GRIP1: variants seen among roughly 807,000 people sequenced by gnomAD.
GRIP1 encodes the protein glutamate receptor-interacting protein 1.
GRIP1 carries 45 observed loss-of-function variants against 129.9 expected under a neutral mutation model. The observed-to-expected ratio is 0.35, with a 90% CI of 0.27 to 0.44. The LOEUF (loss-of-function observed/expected upper bound fraction) is 0.44, where lower values mean the gene tolerates loss of function less well. Among genes scored for constraint, GRIP1 ranks in the 20% least tolerant of loss-of-function variants. GRIP1 has a pLI of 1.00. For missense variants in GRIP1, 1,196 were observed against 1,396.8 expected (o/e 0.86, Z 2.29); for synonymous variants, 530 against 520.8 (o/e 1.02, Z -0.24).
intron 2 of GRIP1, among the ~76,000 whole-genome samples, chr12:66,583,540 T>A (rs1405442842): frequency 3.1e-5 from 4 of 128,144 alleles, no homozygotes; most frequent in African/African-American, 1.2e-4. Context: ...GAATCTACAA[T>A]GAACTCAAAC....
At chr12:66,995,648 T>C (rs1421023995) in intron 1 of GRIP1, among the ~76,000 whole-genome samples, 1 of 152,174 alleles carries the variant, frequency 6.6e-6, no homozygotes, top group African/African-American at 2.4e-5. Context: ...AAGTACTAGT[T>C]CACATCTACT....
Position 66,517,911 on chromosome 12 carries a change from G to T in GRIP1, c.568C>A (p.Pro190Thr). The change falls in exon 6 of 25, where the codon CCT becomes ACT. Residue 190 changes from proline to threonine, a missense_variant. Pro to Thr is a conservative substitution (Grantham distance 38, BLOSUM62 -1). Coordinates refer to ENST00000359742, the MANE Select transcript of GRIP1 (RefSeq NM_001366722.1). ...VVITCVRPGG[P>T]ADREGTIKPG... is the part of the protein sequence containing the mutation. ...AAAGATAAAGTTTACCTGTCAGCAG[G>T]CCCTCCAGGACGAACACATGTTATC... 1.3e-6 allele frequency: 2 copies of T among 1,539,512 alleles called. No individual in the cohort carries two copies. Among genetic ancestry groups the T allele is most frequent in the Non-Finnish European group, 1.8e-6 (2 of 1,112,154 alleles).
At chr12:66,834,896 G>A (rs2039583446) in intron 1 of GRIP1, among the ~76,000 whole-genome samples, 1 of 141,158 alleles carries the variant, frequency 7.1e-6, no homozygotes, top group South Asian at 2.5e-4. Flanking sequence ...CTCCAGCCTG[G>A]GTGACACAGC....
At chr12:66,726,690 G>A (rs888268794) in intron 1 of GRIP1, among the ~76,000 whole-genome samples, 1 of 152,190 alleles carries the variant, frequency 6.6e-6, no homozygotes, top group African/African-American at 2.4e-5. Flanking sequence ...AGGCCCCAAA[G>A]TATATTGCAA....
chr12:66,730,686 C>A (rs2036404703), intron 1 of GRIP1, among the ~76,000 whole-genome samples: 6 of 93,426 alleles, frequency 6.4e-5, no homozygotes, highest in Non-Finnish European at 4.4e-5. Flanking sequence ...AATAAGATAC[C>A]AAGAGGGTCA....
intron 15 of GRIP1, among the ~76,000 whole-genome samples, chr12:66,412,148 A>G (rs2057424439): frequency 6.6e-6 from 1 of 152,170 alleles, no homozygotes; most frequent in African/African-American, 2.4e-5. Flanking sequence ...AAGATACTAC[A>G]GGAGAAGATC....
intron 1 of GRIP1, among the ~76,000 whole-genome samples, chr12:67,066,355 T>G (rs1241376165): frequency 2.6e-5 from 4 of 152,216 alleles, no homozygotes; most frequent in Non-Finnish European, 5.9e-5. Flanking sequence ...CCTTCAAATA[T>G]GCGGTCCTCA....
At chr12:66,665,805 CCATCTGATATG>C (rs2033762951) in intron 1 of GRIP1, among the ~76,000 whole-genome samples, 1 of 152,060 alleles carries the variant, frequency 6.6e-6, no homozygotes, top group African/African-American at 2.4e-5. Flanking sequence ...GACTGCTGGG[CCATCTGATATG>C]CATACGTTCT....
chr12:67,010,954 G>T (rs1476202957), intron 1 of GRIP1, among the ~76,000 whole-genome samples: 6 of 152,088 alleles, frequency 3.9e-5, no homozygotes, highest in Admixed American at 2.0e-4. Flanking sequence ...CTGAGGCCTA[G>T]TACCTTCCTC....
intron 1 of GRIP1, among the ~76,000 whole-genome samples, chr12:67,024,895 A>G (rs2042919297): frequency 1.3e-5 from 2 of 152,230 alleles, no homozygotes. Flanking sequence ...ATCTCAATTT[A>G]AAGAAATCAT....
upstream of GRIP1, among the ~76,000 whole-genome samples, chr12:66,804,707 G>A (rs758321823): frequency 6.6e-6 from 1 of 152,154 alleles, no homozygotes; most frequent in African/African-American, 2.4e-5. Flanking sequence ...TTTCCTACCT[G>A]CTAATCCAAC....
chr12:66,804,442 A>T (rs1427624277), upstream of GRIP1, among the ~76,000 whole-genome samples: 1 of 152,180 alleles, frequency 6.6e-6, no homozygotes. Flanking sequence ...TTTTTTAAAA[A>T]AAAAAGAGGA....
intron 6 of GRIP1, among the ~76,000 whole-genome samples, chr12:66,517,599 T>G (rs961704907): frequency 6.6e-6 from 1 of 152,156 alleles, no homozygotes; most frequent in Non-Finnish European, 1.5e-5. Context: ...AGGCATTATA[T>G]ATCTCCAATC....
chr12:66,888,133 C>T (rs1301456440), intron 1 of GRIP1, among the ~76,000 whole-genome samples: 1 of 152,136 alleles, frequency 6.6e-6, no homozygotes, highest in Non-Finnish European at 1.5e-5. Flanking sequence ...TCACCACTTA[C>T]TGCAACCTCG....
chr12:66,788,706 T>C (rs2136840388), intron 1 of GRIP1, among the ~76,000 whole-genome samples: 2 of 152,232 alleles, frequency 1.3e-5, no homozygotes, highest in African/African-American at 4.8e-5. Flanking sequence ...GGTATCTCCA[T>C]ACAATAGCCA....
chr12:66,679,444 C>CAAAAAAAAAAAAAAA (rs10691128), upstream of GRIP1, among the ~76,000 whole-genome samples: 1 of 117,434 alleles, frequency 8.5e-6, no homozygotes, highest in African/African-American at 3.2e-5. Flanking sequence ...AAACAACAAC[C>CAAAAAAAAAAAAAAA]AAAAAAAAAA....
chr12:66,784,099 A>G (rs1157680069), intron 1 of GRIP1, among the ~76,000 whole-genome samples: 1 of 152,008 alleles, frequency 6.6e-6, no homozygotes, highest in Admixed American at 6.6e-5. Flanking sequence ...AAGGCCTCCA[A>G]TTTAAGCCAA....
chr12:66,625,900 T>G (rs2029960643), intron 1 of GRIP1, among the ~76,000 whole-genome samples: 1 of 151,982 alleles, frequency 6.6e-6, no homozygotes, highest in African/African-American at 2.4e-5. Flanking sequence ...GTACTGAGAG[T>G]TCCAGAGTGG....
intron 1 of GRIP1, among the ~76,000 whole-genome samples, chr12:66,668,784 T>C (rs11176369): frequency 2.1e-5 from 3 of 146,268 alleles, no homozygotes. Flanking sequence ...GAAAAAAAAA[T>C]AATAATAATA....
Sources: gnomAD v4.1 joint callset for allele counts (sites outside exome capture counted in the v4.1 genomes callset) on GRCh38, gnomAD v4.1.1 for gene constraint, MANE v1.5 for transcripts, NCBI Gene and HGNC (gene_info 2026-07-23, HGNC 2026-07-21) for gene names.